RUNX2: variants seen among roughly 807,000 people sequenced by gnomAD.
RUNX2 encodes runt-related transcription factor 2.
Under a neutral mutation model 51.7 loss-of-function variants are expected in RUNX2, and 10 were observed. The ratio of observed to expected loss-of-function variants is 0.19; its 90% CI spans 0.12 to 0.33. The LOEUF (loss-of-function observed/expected upper bound fraction) is 0.33. Ranked by LOEUF, RUNX2 falls within the 10% of genes least tolerant of loss-of-function variation. RUNX2 has a pLI of 1.00. For synonymous variants in RUNX2, 276 were observed against 273.6 expected (o/e 1.01, Z -0.09); for missense variants, 562 against 691.3 (o/e 0.81, Z 2.10).
chr6:45,392,614 T>TG (rs1797494858), intron 2 of RUNX2, among the ~76,000 whole-genome samples: 1 of 152,158 alleles, frequency 6.6e-6, no homozygotes, highest in Non-Finnish European at 1.5e-5. Flanking sequence ...GCAAAGACTT[T>TG]GGGTGGGGAG....
chr6:45,346,207 C>A (rs1790822106), intron 2 of RUNX2, among the ~76,000 whole-genome samples: 1 of 151,964 alleles, frequency 6.6e-6, no homozygotes, highest in Non-Finnish European at 1.5e-5. Context: ...GATTCTCACT[C>A]TACTTATGTA....
At chr6:45,369,359 T>C (rs2150300238) in intron 2 of RUNX2, among the ~76,000 whole-genome samples, 1 of 152,310 alleles carries the variant, frequency 6.6e-6, no homozygotes, top group South Asian at 2.1e-4. Flanking sequence ...CCTTCCCAGA[T>C]ATGTAAACAA....
intron 5 of RUNX2, among the ~76,000 whole-genome samples, chr6:45,473,906 G>A (rs74583790): frequency 6.6e-6 from 1 of 152,152 alleles, no homozygotes; most frequent in Admixed American, 6.5e-5. Context: ...TTTTCTTTCC[G>A]TTTTCACAAA....
At chr6:45,468,952 C>A (rs1033527128) in intron 5 of RUNX2, among the ~76,000 whole-genome samples, 3 of 152,222 alleles carry the variant, frequency 2.0e-5, no homozygotes, top group Non-Finnish European at 4.4e-5. Context: ...GGTGAACATG[C>A]CTTGCCTTTT....
Position 45,545,289 on chromosome 6 carries a change from C to T in RUNX2, c.1087+7C>T, listed in dbSNP as rs1160852011. The T allele has an allele frequency of 6.5e-7, 1 of 1,538,960 alleles. No individual in the cohort carries two copies. The highest frequency in any genetic ancestry group is 8.8e-7 in the Non-Finnish European group (1 of 1,138,946). ...AGTAAGAAGAGCCAGGCAGGTGAGA[C>T]TTTTAACAATTGCTGGGCTGGGCAG... On this transcript the variant is annotated splice_region_variant and intron_variant, in intron 8 of 8. Transcript: ENST00000647337.
At chr6:45,366,654 ACCT>A (rs1289426067) in intron 2 of RUNX2, among the ~76,000 whole-genome samples, 1 of 152,144 alleles carries the variant, frequency 6.6e-6, no homozygotes, top group East Asian at 1.9e-4. Context: ...TTACTAAAAG[ACCT>A]CTATGCAACT....
chr6:45,435,340 T>C (rs549760193), intron 4 of RUNX2, among the ~76,000 whole-genome samples: 1 of 152,128 alleles, frequency 6.6e-6, no homozygotes, highest in Non-Finnish European at 1.5e-5. Flanking sequence ...TTTAAATAAA[T>C]TTATGGACAA....
chr6:45,477,417 C>T (rs1336364923), intron 5 of RUNX2, among the ~76,000 whole-genome samples: 5 of 152,270 alleles, frequency 3.3e-5, no homozygotes, highest in East Asian at 3.9e-4. Flanking sequence ...CTGAATATGT[C>T]CCATGGGTAC....
intron 2 of RUNX2, among the ~76,000 whole-genome samples, chr6:45,390,782 A>G (rs1797453609): frequency 6.6e-6 from 1 of 152,224 alleles, no homozygotes; most frequent in Admixed American, 6.5e-5. Flanking sequence ...AGATATGAAC[A>G]TCACAGGAGA....
intron 7 of RUNX2, among the ~76,000 whole-genome samples, chr6:45,521,840 T>A (rs1444880180): frequency 6.6e-6 from 1 of 152,188 alleles, no homozygotes; most frequent in East Asian, 1.9e-4. Context: ...TATTCCTCTC[T>A]TCTCAGGCTC....
chr6:45,434,859 G>GA (rs1285869080), intron 4 of RUNX2, among the ~76,000 whole-genome samples: 2 of 151,998 alleles, frequency 1.3e-5, no homozygotes, highest in African/African-American at 2.4e-5. Flanking sequence ...GGATTTTTGA[G>GA]AAAAAATTAA....
intron 5 of RUNX2, among the ~76,000 whole-genome samples, chr6:45,472,170 C>G (rs371740634): frequency 5.3e-5 from 8 of 151,968 alleles, no homozygotes; most frequent in African/African-American, 1.9e-4. Flanking sequence ...TCTAAATAGT[C>G]CCCTGGATTG....
intron 7 of RUNX2, among the ~76,000 whole-genome samples, chr6:45,517,826 G>C (rs1801379804): frequency 6.6e-6 from 1 of 151,988 alleles, no homozygotes; most frequent in African/African-American, 2.4e-5. Flanking sequence ...CCCCATTTGA[G>C]TACTCAAGGT....
chr6:45,461,740 A>G (rs1022443061), intron 5 of RUNX2, among the ~76,000 whole-genome samples: 3 of 149,194 alleles, frequency 2.0e-5, no homozygotes, highest in African/African-American at 7.3e-5. Flanking sequence ...TAGTGATAGA[A>G]TGAGGCTTAC....
intron 2 of RUNX2, among the ~76,000 whole-genome samples, chr6:45,400,931 G>A (rs1797703501): frequency 6.6e-6 from 1 of 152,114 alleles, no homozygotes; most frequent in African/African-American, 2.4e-5. Context: ...GTAGATAGAG[G>A]TGGATAGATG....
At position 45,550,998 on chromosome 6, in the gene RUNX2, A is replaced by G. The variant is rs146924197; in HGVS notation, c.*3693A>G. 1.3e-5 allele frequency: 2 copies of G among 152,722 alleles called. No homozygotes were observed. Among genetic ancestry groups the G allele is most frequent in the East Asian group, 3.9e-4 (2 of 5,186 alleles). 9.5% of individuals were successfully genotyped at this position (152,722 alleles called of 1,614,324 possible). A position where few individuals can be genotyped will look rare whatever the true frequency, so the allele number is the denominator to read the frequency against. On this transcript the variant is annotated 3_prime_UTR_variant, in exon 9 of 9. Coordinates refer to ENST00000647337, the MANE Select transcript of RUNX2 (RefSeq NM_001024630.4). ...ATTGTATGTTGCAACTGTAAATTGA[A>G]TTATTTGGCATTTTTCTCATGATTG...
At chr6:45,444,775 G>A (rs1437877308) in intron 5 of RUNX2, among the ~76,000 whole-genome samples, 2 of 152,180 alleles carry the variant, frequency 1.3e-5, no homozygotes, top group African/African-American at 4.8e-5. Context: ...AACGAAACAG[G>A]TGGTGTAGGC....
chr6:45,346,644 T>C (rs1790938420), intron 2 of RUNX2, among the ~76,000 whole-genome samples: 1 of 151,240 alleles, frequency 6.6e-6, no homozygotes, highest in Non-Finnish European at 1.5e-5. Context: ...CTCGGCTCAC[T>C]GCAACCTCCA....
chr6:45,390,352 G>A (rs1031391420), intron 2 of RUNX2, among the ~76,000 whole-genome samples: 2 of 152,214 alleles, frequency 1.3e-5, no homozygotes, highest in African/African-American at 4.8e-5. Context: ...ACTCTAAGAG[G>A]TTCAGGCCGT....
Sources: gnomAD v4.1 joint callset for allele counts (sites outside exome capture counted in the v4.1 genomes callset) on GRCh38, gnomAD v4.1.1 for gene constraint, MANE v1.5 for transcripts, NCBI Gene and HGNC (gene_info 2026-07-23, HGNC 2026-07-21) for gene names.